BORCS5: variants seen among roughly 807,000 people sequenced by gnomAD.
The protein encoded by BORCS5 is BLOC-1 related complex subunit 5, also known as BLOC-1-related complex subunit 5.
Under a neutral mutation model 22.1 loss-of-function variants are expected in BORCS5, and 17 were observed. That is an observed-to-expected ratio of 0.77 (90% CI 0.53 to 1.15). BORCS5 has a LOEUF of 1.15. Ranked by LOEUF, BORCS5 falls within the 50% of genes most tolerant of loss-of-function variation. The pLI, the probability that BORCS5 is intolerant of heterozygous loss-of-function variation, is 0.00. For synonymous variants in BORCS5, 117 were observed against 99.8 expected (o/e 1.17, Z -1.03); for missense variants, 247 against 253.2 (o/e 0.98, Z 0.17).
At chr12:12,384,409 A>T (rs1863837890) in intron 2 of BORCS5, among the ~76,000 whole-genome samples, 1 of 147,806 alleles carries the variant, frequency 6.8e-6, no homozygotes, top group African/African-American at 2.5e-5. Context: ...TTGCTTTGAA[A>T]TTTTTGTCTG....
chr12:12,451,848 G>A (rs1942915335), intron 3 of BORCS5, among the ~76,000 whole-genome samples: 1 of 151,300 alleles, frequency 6.6e-6, no homozygotes, highest in Non-Finnish European at 1.5e-5. Context: ...AACCCAGGAG[G>A]CGGAGCTTGC....
chr12:12,368,294 T>TA (rs56249234), intron 2 of BORCS5, among the ~76,000 whole-genome samples: 2 of 152,028 alleles, frequency 1.3e-5, no homozygotes, highest in South Asian at 4.1e-4. Flanking sequence ...TTTTTTTTTT[T>TA]AATCTACTGG....
At chr12:12,438,669 A>G (rs1253752090) in intron 3 of BORCS5, among the ~76,000 whole-genome samples, 1 of 152,186 alleles carries the variant, frequency 6.6e-6, no homozygotes, top group Non-Finnish European at 1.5e-5. Context: ...AAGGCGGAGT[A>G]ACACAGTGAA....
At chr12:12,451,467 TAA>T (rs1240297215) in intron 3 of BORCS5, among the ~76,000 whole-genome samples, 1 of 149,114 alleles carries the variant, frequency 6.7e-6, no homozygotes, top group African/African-American at 2.4e-5. Flanking sequence ...AAACACTTTT[TAA>T]AACACTGTAG....
intron 3 of BORCS5, among the ~76,000 whole-genome samples, chr12:12,460,872 G>T (rs921155284): frequency 6.6e-6 from 1 of 152,116 alleles, no homozygotes; most frequent in African/African-American, 2.4e-5. Flanking sequence ...TATATTTCTG[G>T]ATTTTATTTG....
chr12:12,423,340 T>G (rs749313936), intron 2 of BORCS5, among the ~76,000 whole-genome samples: 1 of 152,042 alleles, frequency 6.6e-6, no homozygotes, highest in Non-Finnish European at 1.5e-5. Context: ...GAGATCTTTA[T>G]TTCTTCACTC....
intron 2 of BORCS5, 48 bp downstream of exon 2, chr12:12,361,397 G>A: frequency 6.3e-7 from 1 of 1,597,714 alleles, no homozygotes; most frequent in Non-Finnish European, 8.6e-7. Context: ...AGACGTTTGT[G>A]TAGCCCTACT....
intron 2 of BORCS5, among the ~76,000 whole-genome samples, chr12:12,398,917 G>C (rs1266814197): frequency 6.6e-6 from 1 of 152,110 alleles, no homozygotes; most frequent in African/African-American, 2.4e-5. Flanking sequence ...AATAAGAGTG[G>C]GAGAGACGGT....
chr12:12,457,134 T>C (rs1690892590), intron 3 of BORCS5, among the ~76,000 whole-genome samples: 1 of 152,218 alleles, frequency 6.6e-6, no homozygotes, highest in Admixed American at 6.5e-5. Context: ...TCCTTTTTCC[T>C]GGGAACTGTT....
At chr12:12,388,797 T>C (rs1592076364) in intron 2 of BORCS5, among the ~76,000 whole-genome samples, 1 of 151,194 alleles carries the variant, frequency 6.6e-6, no homozygotes. Flanking sequence ...CTGGAAGAGA[T>C]TGAAACAGAA....
intron 3 of BORCS5, among the ~76,000 whole-genome samples, chr12:12,449,013 A>G (rs1423405614): frequency 6.6e-6 from 1 of 152,196 alleles, no homozygotes; most frequent in Non-Finnish European, 1.5e-5. Flanking sequence ...AAGACCCCAC[A>G]TTTACGTTCT....
intron 2 of BORCS5, among the ~76,000 whole-genome samples, chr12:12,410,405 A>G (rs1361539714): frequency 6.6e-6 from 1 of 152,210 alleles, no homozygotes; most frequent in Non-Finnish European, 1.5e-5. Context: ...GTTTTTGTAT[A>G]AGGTGTAAGG....
chr12:12,420,229 G>A (rs971955004), intron 2 of BORCS5, among the ~76,000 whole-genome samples: 1 of 150,894 alleles, frequency 6.6e-6, no homozygotes, highest in African/African-American at 2.5e-5. Flanking sequence ...TGTATAAGGT[G>A]TAAGGAAGGG....
intron 3 of BORCS5, among the ~76,000 whole-genome samples, chr12:12,460,381 T>G (rs1051104495): frequency 7.2e-5 from 11 of 152,252 alleles, no homozygotes; most frequent in African/African-American, 2.7e-4. Flanking sequence ...AACTTCACTT[T>G]AGTAGTTTTT....
At chr12:12,463,004 A>G (rs572268539) in intron 3 of BORCS5, among the ~76,000 whole-genome samples, 14 of 152,322 alleles carry the variant, frequency 9.2e-5, no homozygotes, top group African/African-American at 3.4e-4. Context: ...AGGTGATATC[A>G]TAACACCTCT....
intron 2 of BORCS5, among the ~76,000 whole-genome samples, chr12:12,362,942 T>A (rs1293184249): frequency 6.6e-6 from 1 of 151,776 alleles, no homozygotes; most frequent in East Asian, 2.0e-4. Context: ...TGAGGCACCT[T>A]GCATGGCCTA....
At chr12:12,396,569 G>T (rs888198) in intron 2 of BORCS5, among the ~76,000 whole-genome samples, 1 of 151,762 alleles carries the variant, frequency 6.6e-6, no homozygotes, top group Non-Finnish European at 1.5e-5. Context: ...AAATGTCACC[G>T]TACTGATGTG....
At chr12:12,399,456 G>A (rs759253004) in intron 2 of BORCS5, among the ~76,000 whole-genome samples, 114 of 152,100 alleles carry the variant, frequency 7.5e-4, no homozygotes, top group Non-Finnish European at 1.3e-3. Flanking sequence ...AAGGTAGAGG[G>A]GAAATAAGAG....
At chr12:12,397,934 T>G (rs1941389305) in intron 2 of BORCS5, among the ~76,000 whole-genome samples, 1 of 152,248 alleles carries the variant, frequency 6.6e-6, no homozygotes, top group Non-Finnish European at 1.5e-5. Flanking sequence ...CTGTTTCTTG[T>G]TACCGAAAGC....
Sources: gnomAD v4.1 joint callset for allele counts (sites outside exome capture counted in the v4.1 genomes callset) on GRCh38, gnomAD v4.1.1 for gene constraint, MANE v1.5 for transcripts, NCBI Gene and HGNC (gene_info 2026-07-23, HGNC 2026-07-21) for gene names.